ALMS1: variants seen among roughly 807,000 people sequenced by gnomAD.
The protein encoded by ALMS1 is centrosome-associated protein ALMS1.
In ALMS1, 271 loss-of-function variants were observed where a neutral mutation model predicts 352.2. That is an observed-to-expected ratio of 0.77 (90% CI 0.70 to 0.85). The LOEUF (loss-of-function observed/expected upper bound fraction) is 0.85, where lower values mean the gene tolerates loss of function less well. Among genes scored for constraint, ALMS1 ranks in the 40% least tolerant of loss-of-function variants. ALMS1 has a pLI of 0.00. For missense variants in ALMS1, 5,445 were observed against 4,870.7 expected (o/e 1.12, Z -3.51); for synonymous variants, 1,865 against 1,761.2 (o/e 1.06, Z -1.48).
intron 9 of ALMS1, among the ~76,000 whole-genome samples, chr2:73,488,161 C>T (rs984504905): frequency 6.6e-5 from 10 of 152,156 alleles, no homozygotes; most frequent in African/African-American, 1.4e-4. Context: ...CTGCCATCTA[C>T]GGTACCCATG....
intron 11 of ALMS1, among the ~76,000 whole-genome samples, chr2:73,525,020 CT>C (rs760993019): frequency 5.3e-5 from 8 of 152,166 alleles, no homozygotes; most frequent in Non-Finnish European, 8.8e-5. Flanking sequence ...GCTTATTTCA[CT>C]TTATATAATA....
At chr2:73,443,461 T>C (rs1265999864) in intron 7 of ALMS1, among the ~76,000 whole-genome samples, 1 of 152,174 alleles carries the variant, frequency 6.6e-6, no homozygotes, top group East Asian at 1.9e-4. Flanking sequence ...AAAATGTTTC[T>C]GTTTTTCACT....
chr2:73,487,852 C>T (rs1255877980), intron 9 of ALMS1, among the ~76,000 whole-genome samples: 1 of 151,990 alleles, frequency 6.6e-6, no homozygotes, highest in Non-Finnish European at 1.5e-5. Context: ...GTGGGTAGCT[C>T]CTACCTGCAT....
At chr2:73,443,115 T>C (rs1043290033) in intron 7 of ALMS1, among the ~76,000 whole-genome samples, 3 of 152,204 alleles carry the variant, frequency 2.0e-5, no homozygotes, top group African/African-American at 7.2e-5. Flanking sequence ...TCTCTGCCAC[T>C]TATTTTCAGT....
At chr2:73,466,759 A>T (rs1033202098) in intron 9 of ALMS1, among the ~76,000 whole-genome samples, 6 of 152,154 alleles carry the variant, frequency 3.9e-5, no homozygotes, top group Non-Finnish European at 8.8e-5. Context: ...GTATGTGGAT[A>T]AATAAAGCTA....
At chr2:73,546,003 G>A (rs1298628142) in intron 12 of ALMS1, among the ~76,000 whole-genome samples, 1 of 152,158 alleles carries the variant, frequency 6.6e-6, no homozygotes, top group African/African-American at 2.4e-5. Flanking sequence ...TACTTCATCA[G>A]GTGCTCAGAT....
Position 73,386,121 on chromosome 2 carries a change from G to A in ALMS1, c.253G>A (p.Gly85Ser), listed in dbSNP as rs747529471. 11 of 1,579,074 alleles carry A rather than the reference G, an allele frequency of 7.0e-6. No individual in the cohort carries two copies. The highest frequency in any genetic ancestry group is 4.7e-5 in the South Asian group (4 of 85,974). The stretch of plus-strand genomic sequence containing the variant: ...CAAGGCCTGGCTGCAGGCGCACCCC[G>A]GCAGGATTTTGCCTCCGCTGTCGCC... Reference protein sequence around the residue: ...EAKAWLQAHPGRILPPLSPPQ... With the variant: ...EAKAWLQAHPSRILPPLSPPQ... Residue 85 changes from glycine to serine, a missense_variant, in exon 1 of 23, where the codon GGC (glycine) becomes AGC (serine). Coordinates refer to ENST00000613296, the MANE Select transcript of ALMS1 (RefSeq NM_001378454.1).
intron 9 of ALMS1, among the ~76,000 whole-genome samples, chr2:73,480,015 C>T (rs186152613): frequency 6.6e-6 from 1 of 151,658 alleles, no homozygotes; most frequent in East Asian, 1.9e-4. Flanking sequence ...GTCTCTTTCT[C>T]CTGTTAAGTG....
intron 10 of ALMS1, among the ~76,000 whole-genome samples, chr2:73,497,075 A>G (rs1673124466): frequency 6.6e-6 from 1 of 152,134 alleles, no homozygotes; most frequent in Admixed American, 6.5e-5. Flanking sequence ...CAATTAATTG[A>G]TTTTTAAATG....
intron 11 of ALMS1, among the ~76,000 whole-genome samples, chr2:73,522,591 C>G (rs550409991): frequency 3.9e-4 from 59 of 151,706 alleles, no homozygotes; most frequent in Non-Finnish European, 5.7e-4. Context: ...GCCTCAGCCT[C>G]CCAAGTAGCT....
At chr2:73,460,018 C>T (rs1337511992) in intron 9 of ALMS1, among the ~76,000 whole-genome samples, 1 of 152,148 alleles carries the variant, frequency 6.6e-6, no homozygotes, top group African/African-American at 2.4e-5. Context: ...CATCCAATTC[C>T]ATTCCAGTAC....
chr2:73,459,016 T>G (rs1263014579), intron 9 of ALMS1: 1 of 152,214 alleles, frequency 6.6e-6, no homozygotes, highest in Admixed American at 6.5e-5. Context: ...GATATTAATG[T>G]TGATGAAAAA....
chr2:73,508,399 G>A (rs1049749873), intron 10 of ALMS1, among the ~76,000 whole-genome samples: 2 of 151,662 alleles, frequency 1.3e-5, no homozygotes, highest in Non-Finnish European at 2.9e-5. Flanking sequence ...TAGAGACAGG[G>A]TTTCACTGTG....
intron 15 of ALMS1, among the ~76,000 whole-genome samples, chr2:73,562,527 T>C (rs1016941275): frequency 6.6e-6 from 1 of 151,746 alleles, no homozygotes; most frequent in Non-Finnish European, 1.5e-5. Context: ...TTAAAGGAGG[T>C]ATAAATGAGC....
At chr2:73,515,180 A>G (rs1673529837) in intron 10 of ALMS1, among the ~76,000 whole-genome samples, 3 of 152,124 alleles carry the variant, frequency 2.0e-5, no homozygotes, top group Admixed American at 6.5e-5. Flanking sequence ...AATTATTTTT[A>G]CACAGTGTCT....
At position 73,449,558 on chromosome 2, in the gene ALMS1, A is replaced by G. The variant is rs754031756; in HGVS notation, c.3031A>G (p.Ile1011Val). Reference protein sequence around the residue: ...GSFSHREKPSIFYQQEWPDSY... With the variant: ...GSFSHREKPSVFYQQEWPDSY... ...CTTCTCACATAGAGAGAAGCCCAGT[A>G]TTTTCTATCAACAGGAGTGGCCAGA... The change falls in exon 8 of 23, where the codon ATT becomes GTT. Residue 1011 changes from isoleucine (I) to valine (V), a missense_variant. Ile to Val is a conservative substitution (Grantham distance 29). Transcript: ENST00000613296. 6.2e-7 allele frequency: 1 copy of G among 1,614,006 alleles called. No individual in the cohort carries two copies. Among genetic ancestry groups the G allele is most frequent in the Admixed American group, 1.7e-5 (1 of 59,980 alleles).
chr2:73,600,605 G>A (rs1445256547), intron 17 of ALMS1, 73 bp from the exon 18 acceptor site: 110 of 1,372,980 alleles, frequency 8.0e-5, no homozygotes, highest in South Asian at 1.4e-4. Flanking sequence ...AAGGGTTCAC[G>A]TACTCACTTG....
chr2:73,532,351 A>G (rs1378315835), intron 11 of ALMS1, among the ~76,000 whole-genome samples: 13 of 152,188 alleles, frequency 8.5e-5, no homozygotes, highest in Admixed American at 8.5e-4. Flanking sequence ...CCCTGGCCCT[A>G]GGCAGGTCCA....
intron 10 of ALMS1, among the ~76,000 whole-genome samples, chr2:73,513,800 T>C (rs1426357651): frequency 6.6e-6 from 1 of 152,100 alleles, no homozygotes; most frequent in Non-Finnish European, 1.5e-5. Context: ...GCCACACGTC[T>C]GCAGAGACTG....
Sources: gnomAD v4.1 joint callset for allele counts (sites outside exome capture counted in the v4.1 genomes callset) on GRCh38, gnomAD v4.1.1 for gene constraint, MANE v1.5 for transcripts, NCBI Gene and HGNC (gene_info 2026-07-23, HGNC 2026-07-21) for gene names.